Variants in MCTP2 observed in about 807,000 individuals in gnomAD.
MCTP2 encodes multiple C2 and transmembrane domain-containing protein 2.
Under a neutral mutation model 111.6 loss-of-function variants are expected in MCTP2, and 132 were observed. The ratio of observed to expected loss-of-function variants is 1.18; its 90% CI spans 1.03 to 1.37. The LOEUF is 1.37. MCTP2 is among the 40% of genes most tolerant of loss of function. The probability of loss-of-function intolerance (pLI) is 0.00; values close to 1 mark genes in which losing one functional copy is unlikely to be tolerated. For synonymous variants in MCTP2, 395 were observed against 387.7 expected (o/e 1.02, Z -0.22); for missense variants, 1,183 against 1,067.9 (o/e 1.11, Z -1.50).
intron 4 of MCTP2, among the ~76,000 whole-genome samples, chr15:94,324,441 A>G (rs767548121): frequency 9.9e-5 from 15 of 152,224 alleles, no homozygotes; most frequent in Non-Finnish European, 2.2e-4. Flanking sequence ...CAAAAGGAAA[A>G]GAAAAGTTAA....
intron 2 of MCTP2, among the ~76,000 whole-genome samples, chr15:94,299,983 T>G (rs1027079851): frequency 6.6e-6 from 1 of 152,198 alleles, no homozygotes; most frequent in African/African-American, 2.4e-5. Flanking sequence ...GACTTTTTAG[T>G]TATTTATGAA....
intron 10 of MCTP2, 108 bp downstream of exon 10, chr15:94,358,720 C>A (rs563392631): frequency 3.8e-6 from 5 of 1,300,268 alleles, no homozygotes; most frequent in East Asian, 2.5e-5. Flanking sequence ...GCATCCCTCA[C>A]CCCAGAGTGC....
At chr15:94,474,930 C>G (rs1284745836) in intron 21 of MCTP2, among the ~76,000 whole-genome samples, 1 of 151,806 alleles carries the variant, frequency 6.6e-6, no homozygotes, top group Non-Finnish European at 1.5e-5. Context: ...TGCATTTGAG[C>G]TACTGTGCAG....
Position 94,346,006 on chromosome 15 carries a change from T to G in MCTP2, c.1005+842T>G, listed in dbSNP as rs11074265. Among the ~76,000 whole-genome samples, 222 of 151,890 alleles carry G rather than the reference T, an allele frequency of 1.5e-3. 2 individuals carry two copies. The highest frequency in any genetic ancestry group is 5.0e-3 in the African/African-American group (207 of 41,396). ...TTGCACACCCACATATATGTGCACA[T>G]AAATACGCCAGCTCTGATTTCTAAT... On this transcript the variant is annotated intron_variant, in intron 8 of 22. Transcript: ENST00000357742.
chr15:94,383,099 T>C (rs74475205), intron 12 of MCTP2, among the ~76,000 whole-genome samples: 1,751 of 152,300 alleles, frequency 0.011, 43 homozygotes, highest in African/African-American at 0.039. Flanking sequence ...AGTTATACTT[T>C]TTTTGTTTGT....
chr15:94,261,651 A>G (rs1475947893), intron 1 of MCTP2, among the ~76,000 whole-genome samples: 1 of 152,216 alleles, frequency 6.6e-6, no homozygotes, highest in African/African-American at 2.4e-5. Flanking sequence ...GAACTTTGAA[A>G]ACCAGGCATA....
At chr15:94,394,273 G>A (rs1229574407) in intron 14 of MCTP2, among the ~76,000 whole-genome samples, 1 of 151,906 alleles carries the variant, frequency 6.6e-6, no homozygotes, top group African/African-American at 2.4e-5. Flanking sequence ...GTGAAGATAA[G>A]TATCCTTCTG....
At chr15:94,421,402 G>T (rs1248744425) in intron 17 of MCTP2, among the ~76,000 whole-genome samples, 1 of 152,178 alleles carries the variant, frequency 6.6e-6, no homozygotes, top group Non-Finnish European at 1.5e-5. Context: ...AATTATCAAA[G>T]ACATAAGTGG....
At chr15:94,310,506 G>A (rs2076075395) in intron 2 of MCTP2, among the ~76,000 whole-genome samples, 1 of 151,928 alleles carries the variant, frequency 6.6e-6, no homozygotes, top group Admixed American at 6.6e-5. Flanking sequence ...TTTTAAAAAG[G>A]CCAAGCACAG....
At chr15:94,303,570 C>T (rs2152343575) in intron 2 of MCTP2, among the ~76,000 whole-genome samples, 1 of 152,206 alleles carries the variant, frequency 6.6e-6, no homozygotes, top group South Asian at 2.1e-4. Context: ...TATCACACTC[C>T]CAGTCATAAA....
chr15:94,309,711 G>A (rs1429724292), intron 2 of MCTP2, among the ~76,000 whole-genome samples: 1 of 152,072 alleles, frequency 6.6e-6, no homozygotes, highest in Non-Finnish European at 1.5e-5. Context: ...CCCATATCCT[G>A]CCGAATTTTA....
rs564558924 is a variant in MCTP2, at chr15:94,449,363, G to T, written c.2250+6403G>T. On this transcript the variant is annotated intron_variant, in intron 19 of 22. Coordinates refer to ENST00000357742, the MANE Select transcript of MCTP2 (RefSeq NM_001385001.1). The stretch of plus-strand genomic sequence containing the variant: ...ACAAATGAACAAACCAAGGCTAAGA[G>T]AACTTCCGTAACATATATGAGATTT... Among the ~76,000 whole-genome samples the T allele has an allele frequency of 2.5e-4, 38 of 152,298 alleles. No individual in the cohort carries two copies. The East Asian group carries it at 3.1e-3, about 12-fold the overall frequency.
chr15:94,298,161 TTTG>T, intron 1 of MCTP2, 37 bp from the exon 2 acceptor site: 55 of 877,270 alleles, frequency 6.3e-5, no homozygotes, highest in Non-Finnish European at 7.9e-5. Context: ...GTTTTTTTTT[TTTG>T]TTTGTTTGTT....
At chr15:94,332,669 A>G (rs1431663017) in intron 4 of MCTP2, among the ~76,000 whole-genome samples, 3 of 150,002 alleles carry the variant, frequency 2.0e-5, no homozygotes, top group Non-Finnish European at 4.4e-5. Flanking sequence ...CTACTTTGGG[A>G]AATACATTTG....
chr15:94,358,598 G>A lies in MCTP2; in HGVS notation c.1287G>A (p.Glu429=), dbSNP rs753777108. ...GGGGAAAGGACAACAAAAAGCATGAGGAACGTCTGGGCACGTGAGTCCCCT... is the reference window on the plus strand; with the variant it reads ...GGGGAAAGGACAACAAAAAGCATGAAGAACGTCTGGGCACGTGAGTCCCCT... ...EVWGKDNKKH[E]ERLGTCKVDI... Residue 429 remains glutamate (E), a synonymous_variant, in exon 10 of 23, where the codon GAG becomes GAA. Coordinates refer to ENST00000357742, the MANE Select transcript of MCTP2 (RefSeq NM_001385001.1). 1.2e-6 allele frequency: 2 copies of A among 1,613,484 alleles called. No individual in the cohort carries two copies. The highest frequency in any genetic ancestry group is 2.7e-5 in the African/African-American group (2 of 74,868).
chr15:94,299,718 C>T (rs1420802165), intron 2 of MCTP2, among the ~76,000 whole-genome samples: 1 of 152,154 alleles, frequency 6.6e-6, no homozygotes, highest in Non-Finnish European at 1.5e-5. Flanking sequence ...TTTCTGTGTT[C>T]CAGGTTAGTG....
At chr15:94,302,762 T>C (rs1187489582) in intron 2 of MCTP2, among the ~76,000 whole-genome samples, 1 of 152,202 alleles carries the variant, frequency 6.6e-6, no homozygotes, top group Admixed American at 6.5e-5. Flanking sequence ...AGTCTCTTAC[T>C]TTCCCTGCTT....
intron 17 of MCTP2, among the ~76,000 whole-genome samples, chr15:94,426,416 T>C (rs78611143): frequency 0.017 from 2,624 of 152,222 alleles, 81 homozygotes; most frequent in African/African-American, 0.06. Context: ...AGTGTAGATA[T>C]TTTCTACTAA....
chr15:94,268,530 CCTT>C (rs2073725032), intron 1 of MCTP2, among the ~76,000 whole-genome samples: 1 of 152,004 alleles, frequency 6.6e-6, no homozygotes, highest in South Asian at 2.1e-4. Context: ...ATTTTGTTGT[CCTT>C]CTCGTTTTCT....
Sources: allele counts gnomAD v4.1 joint callset (sites outside exome capture counted in the v4.1 genomes callset), GRCh38; gene constraint gnomAD v4.1.1; transcripts MANE v1.5; gene names NCBI Gene and HGNC (gene_info 2026-07-23, HGNC 2026-07-21).